Variants in ARHGAP17 observed in about 807,000 individuals in gnomAD.
The protein encoded by ARHGAP17 is Rho GTPase activating protein 17.
A neutral mutation model predicts 99.5 loss-of-function variants in ARHGAP17; 57 were observed. The observed-to-expected ratio is 0.57, with a 90% CI of 0.46 to 0.71. The LOEUF (loss-of-function observed/expected upper bound fraction) is 0.71, where lower values mean the gene tolerates loss of function less well. Among genes scored for constraint, ARHGAP17 ranks in the 30% least tolerant of loss-of-function variants. The probability of loss-of-function intolerance (pLI) is 0.00; values close to 1 mark genes in which losing one functional copy is unlikely to be tolerated. For synonymous variants in ARHGAP17, 417 were observed against 429.6 expected (o/e 0.97, Z 0.36); for missense variants, 1,000 against 1,122.4 (o/e 0.89, Z 1.56).
intron 1 of ARHGAP17, among the ~76,000 whole-genome samples, chr16:25,008,266 T>C (rs1180296927): frequency 6.6e-6 from 1 of 152,232 alleles, no homozygotes; most frequent in Non-Finnish European, 1.5e-5. Flanking sequence ...ATAATCTTCA[T>C]GCATATCCAT....
chr16:24,931,200 C>T lies in ARHGAP17; in HGVS notation c.2099G>A (p.Arg700Lys), dbSNP rs895663024. Residue 700 changes from arginine (R) to lysine (K), a missense_variant, in exon 19 of 20, where the codon AGG becomes AAG. Physicochemically the swap from Arg to Lys is conservative, Grantham distance 26. This residue lies in a region of ARHGAP17 where 528 missense variants were observed against 511.4 expected (regional missense o/e 1.03). Coordinates refer to ENST00000289968, the MANE Select transcript of ARHGAP17 (RefSeq NM_001006634.3). The stretch of plus-strand genomic sequence containing the variant: ...GATTGGAGACAAGCTGCTGGAGTAC[C>T]TCCGGGGTGCTGAGAGCTGGGAGGG... ...SAPSQLSAPR[R>K]YSSSLSPIQA... The T allele has an allele frequency of 6.3e-7, 1 of 1,577,194 alleles. No individual in the cohort carries two copies. The highest frequency in any genetic ancestry group is 1.8e-5 in the Admixed American group (1 of 56,286).
intron 1 of ARHGAP17, among the ~76,000 whole-genome samples, chr16:24,979,882 T>C (rs2052622305): frequency 6.6e-6 from 1 of 152,138 alleles, no homozygotes; most frequent in African/African-American, 2.4e-5. Context: ...AGCTAATTTT[T>C]GTATTTTTAG....
chr16:25,012,505 G>A (rs75451130), intron 1 of ARHGAP17, among the ~76,000 whole-genome samples: 6,055 of 152,074 alleles, frequency 0.04, 337 homozygotes, highest in African/African-American at 0.12. Flanking sequence ...TCGCAGGGGC[G>A]AAAACAAAAA....
rs774329905 is a variant in ARHGAP17, at chr16:24,943,859, T to A, written c.1245A>T (p.Thr415=). The A allele has an allele frequency of 7.4e-6, 12 of 1,614,012 alleles. No homozygotes were observed. Among genetic ancestry groups the A allele is most frequent in the Non-Finnish European group, 1.0e-5 (12 of 1,179,996 alleles). ...ATGTGGCTGCTGCCATTTCAGCAAG[T>A]GTTCTGCAAAGCAAGTTCACAAAAT... is the stretch of plus-strand genomic sequence containing the variant. ...PNLLWARNEG[T]LAEMAAATSV... Residue 415 remains threonine, a synonymous_variant, in exon 15 of 20, where the codon ACA becomes ACT. Coordinates refer to ENST00000289968, the MANE Select transcript of ARHGAP17 (RefSeq NM_001006634.3).
chr16:24,920,255 T>C lies in ARHGAP17; in HGVS notation c.2521A>G (p.Asn841Asp), dbSNP rs761343161. The C allele has an allele frequency of 6.2e-6, 10 of 1,613,796 alleles. No individual in the cohort carries two copies. Among genetic ancestry groups the C allele is most frequent in the Non-Finnish European group, 8.5e-6 (10 of 1,179,884 alleles). The change falls in exon 20 of 20, where the codon AAT (asparagine) becomes GAT (aspartate). Residue 841 changes from asparagine (N) to aspartate (D), a missense_variant. By Grantham distance (23) the Asn-to-Asp change is conservative. Coordinates refer to ENST00000289968, the MANE Select transcript of ARHGAP17 (RefSeq NM_001006634.3). ...CGATGCGGTTCTGAAACCCTGGAAT[T>C]GGAGTCTGGACAAAAACACGAGGAG... ...PTASKIVTDS[N>D]SRVSEPHRSI...
intron 1 of ARHGAP17, among the ~76,000 whole-genome samples, chr16:24,992,696 A>G (rs2053082206): frequency 6.6e-6 from 1 of 152,252 alleles, no homozygotes. Context: ...ACCAACTTGA[A>G]AAAAGTACAA....
rs1455546004 is a variant in ARHGAP17, at chr16:25,015,308, G to A, written c.-47C>T. 2.3e-6 allele frequency: 3 copies of A among 1,286,676 alleles called. No individual in the cohort carries two copies. The highest frequency in any genetic ancestry group is 3.0e-6 in the Non-Finnish European group (3 of 1,012,148). 79.7% of individuals were successfully genotyped at this position (1,286,676 alleles called of 1,614,324 possible). A position where few individuals can be genotyped will look rare whatever the true frequency, so the allele number is the denominator to read the frequency against. ...CCGCGGGGCTCGGGCCGGGCAGGGC[G>A]GGGGACAGCCTGGCAGCTACTACAT... On this transcript the variant is annotated 5_prime_UTR_variant, in exon 1 of 20. Coordinates refer to ENST00000289968, the MANE Select transcript of ARHGAP17 (RefSeq NM_001006634.3).
intron 1 of ARHGAP17, among the ~76,000 whole-genome samples, chr16:24,999,784 A>G (rs1047651108): frequency 6.6e-6 from 1 of 152,100 alleles, no homozygotes; most frequent in African/African-American, 2.4e-5. Flanking sequence ...TTTCCACAAT[A>G]AGCTATATTT....
At chr16:24,941,890 G>C (rs563424743) in intron 16 of ARHGAP17, 97 bp downstream of exon 16, 1 of 1,554,478 alleles carries the variant, frequency 6.4e-7, no homozygotes, top group Non-Finnish European at 8.8e-7. Context: ...GGTGGATGGC[G>C]ACCACTCTCA....
chr16:24,980,009 C>A (rs1324397891), intron 1 of ARHGAP17, among the ~76,000 whole-genome samples: 1 of 152,042 alleles, frequency 6.6e-6, no homozygotes, highest in African/African-American at 2.4e-5. Flanking sequence ...CCGCGCCTGG[C>A]GTGAAGGAAA....
intron 7 of ARHGAP17, among the ~76,000 whole-genome samples, chr16:24,963,555 C>G (rs2052079093): frequency 6.6e-6 from 1 of 152,146 alleles, no homozygotes; most frequent in Admixed American, 6.5e-5. Flanking sequence ...CCCCGAAGAC[C>G]TATTCCTTTA....
chr16:24,973,466 T>TC (rs2052427038), intron 3 of ARHGAP17, among the ~76,000 whole-genome samples: 1 of 152,212 alleles, frequency 6.6e-6, no homozygotes, highest in African/African-American at 2.4e-5. Context: ...AGTGTAGGCA[T>TC]CCTCAAAGCC....
intron 12 of ARHGAP17, among the ~76,000 whole-genome samples, chr16:24,950,836 C>CA (rs1177614713): frequency 0.068 from 2,633 of 38,840 alleles, 89 homozygotes; most frequent in Middle Eastern, 0.12. Context: ...GACTCCAACT[C>CA]AAAAAAAAAA....
At chr16:24,935,713 A>G (rs2152453201) in intron 17 of ARHGAP17, 74 bp from the exon 18 acceptor site, 5 of 1,486,432 alleles carry the variant, frequency 3.4e-6, no homozygotes, top group East Asian at 2.3e-5. Flanking sequence ...CACATAAAAC[A>G]TAAGATTCCA....
rs1483652322 is a variant in ARHGAP17 at position 24,919,999 on chromosome 16, C to A, written c.*131G>T. On this transcript the variant is annotated 3_prime_UTR_variant, in exon 20 of 20. Coordinates refer to ENST00000289968, the MANE Select transcript of ARHGAP17 (RefSeq NM_001006634.3). ...CCTTGGGCCGTGCAGAAGGCCAGGT[C>A]CCGCACAGTGAGGCCCTCCTTTGTC... 3.7e-6 allele frequency: 5 copies of A among 1,357,508 alleles called. No homozygotes were observed. In the Admixed American group the frequency reaches 8.3e-5, roughly 22 times the overall value. The allele number at this position is 1,357,508 out of a possible 1,614,324, so 84.1% of individuals were successfully genotyped here. A position where few individuals can be genotyped will look rare whatever the true frequency, so the allele number is the denominator to read the frequency against.
intron 18 of ARHGAP17, among the ~76,000 whole-genome samples, chr16:24,932,400 A>G (rs555106770): frequency 4.6e-5 from 7 of 152,192 alleles, no homozygotes; most frequent in Non-Finnish European, 1.0e-4. Flanking sequence ...CACCCCAATG[A>G]CACGGAAGTG....
intron 3 of ARHGAP17, among the ~76,000 whole-genome samples, chr16:24,976,885 C>T (rs1437035669): frequency 6.6e-6 from 1 of 152,240 alleles, no homozygotes; most frequent in Non-Finnish European, 1.5e-5. Flanking sequence ...CAATACATTA[C>T]TTCTACTTCA....
chr16:24,985,651 A>C (rs990344069), intron 1 of ARHGAP17, among the ~76,000 whole-genome samples: 2 of 152,144 alleles, frequency 1.3e-5, no homozygotes, highest in East Asian at 3.9e-4. Context: ...TCCCATCTCC[A>C]AACTTAGTCC....
At chr16:24,921,419 G>A (rs2050717286) in intron 19 of ARHGAP17, among the ~76,000 whole-genome samples, 1 of 152,196 alleles carries the variant, frequency 6.6e-6, no homozygotes, top group African/African-American at 2.4e-5. Flanking sequence ...GCGTTTCACA[G>A]TTAGGCTTGA....
Sources: allele counts gnomAD v4.1 joint callset (sites outside exome capture counted in the v4.1 genomes callset), GRCh38; gene constraint gnomAD v4.1.1; regional missense constraint gnomAD v4.1.1; transcripts MANE v1.5; gene names NCBI Gene and HGNC (gene_info 2026-07-23, HGNC 2026-07-21).